The following FBXL17 variants were observed in gnomAD, a reference collection of about 807,000 sequenced individuals.
FBXL17 encodes F-box/LRR-repeat protein 17.
In FBXL17, 22 loss-of-function variants were observed where a neutral mutation model predicts 66.2. The ratio of observed to expected loss-of-function variants is 0.33; its 90% CI spans 0.24 to 0.47. The LOEUF (loss-of-function observed/expected upper bound fraction) is 0.47, where lower values mean the gene tolerates loss of function less well. FBXL17 is among the 20% of genes least tolerant of loss of function. FBXL17 has a pLI of 1.00. For synonymous variants in FBXL17, 474 were observed against 400.5 expected, an observed-to-expected ratio of 1.18 and a Z score of -2.19; for missense variants, 878 against 948.2, an observed-to-expected ratio of 0.93 and a Z score of 0.97.
chr5:108,142,835 A>G (rs1187580889), intron 6 of FBXL17, among the ~76,000 whole-genome samples: 1 of 152,130 alleles, frequency 6.6e-6, no homozygotes, highest in African/African-American at 2.4e-5. Context: ...CAGCAGGGGC[A>G]TAAGATTCTT....
At chr5:108,185,599 C>T (rs1444496099) in intron 6 of FBXL17, among the ~76,000 whole-genome samples, 5 of 152,010 alleles carry the variant, frequency 3.3e-5, no homozygotes, top group African/African-American at 9.7e-5. Flanking sequence ...TGGTGTATGC[C>T]TGTAGTCCCA....
At chr5:108,261,090 C>A (rs972519750) in intron 4 of FBXL17, among the ~76,000 whole-genome samples, 1 of 151,574 alleles carries the variant, frequency 6.6e-6, no homozygotes, top group African/African-American at 2.4e-5. Flanking sequence ...TAGAGATAAA[C>A]AGTAGGATAA....
In FBXL17 at chr5:108,078,540, T is replaced by G. The variant is rs770080936; in HGVS notation, c.1746-57539A>C. Among the ~76,000 whole-genome samples the G allele has an allele frequency of 5.8e-4, 88 of 152,370 alleles. 1 individual carries two copies. Among genetic ancestry groups the G allele is most frequent in the Non-Finnish European group, 3.2e-4 (22 of 68,036 alleles). Reference sequence around the variant, plus strand: ...TGCATCTGTAGAGAATCTACATTGATGCCAGCGGGCCTTCTCTAGCTGGGA... The same window carrying G: ...TGCATCTGTAGAGAATCTACATTGAGGCCAGCGGGCCTTCTCTAGCTGGGA... On this transcript the variant is annotated intron_variant, in intron 6 of 8. Coordinates refer to ENST00000542267, the MANE Select transcript of FBXL17 (RefSeq NM_001163315.3).
At position 107,869,731 on chromosome 5, in the gene FBXL17, G is replaced by T. The variant is rs185597975; in HGVS notation, c.1966-7871C>A. ...GTGAGAGCAGGGAACTAGGAATCCAGTGCCGCTTTTCAATCTCTCACCTCT... is the reference window on the plus strand; with the variant it reads ...GTGAGAGCAGGGAACTAGGAATCCATTGCCGCTTTTCAATCTCTCACCTCT... On this transcript the variant is annotated intron_variant, in intron 8 of 8. Coordinates refer to ENST00000542267, the MANE Select transcript of FBXL17 (RefSeq NM_001163315.3). Among the ~76,000 whole-genome samples the T allele has an allele frequency of 2.6e-3, 399 of 152,260 alleles. 2 individuals are homozygous for T. The highest frequency in any genetic ancestry group is 9.0e-3 in the African/African-American group (374 of 41,538).
chr5:108,037,066 TAAG>T (rs972099357), intron 6 of FBXL17, among the ~76,000 whole-genome samples: 22 of 152,156 alleles, frequency 1.4e-4, no homozygotes, highest in Middle Eastern at 3.4e-3. Flanking sequence ...AATAATAAGG[TAAG>T]AATATGTAAT....
At chr5:108,043,189 A>G (rs925948032) in intron 6 of FBXL17, among the ~76,000 whole-genome samples, 1 of 152,144 alleles carries the variant, frequency 6.6e-6, no homozygotes, top group Non-Finnish European at 1.5e-5. Flanking sequence ...TTTCCATCCT[A>G]TTAAAAGGGT....
intron 7 of FBXL17, among the ~76,000 whole-genome samples, chr5:107,965,233 C>A (rs1752076845): frequency 6.6e-6 from 1 of 152,086 alleles, no homozygotes. Context: ...GATTGAATTT[C>A]ACTTAAGGAA....
chr5:107,907,487 CA>C, intron 7 of FBXL17, among the ~76,000 whole-genome samples: 1 of 151,974 alleles, frequency 6.6e-6, no homozygotes, highest in Non-Finnish European at 1.5e-5. Flanking sequence ...AGCAAACAAA[CA>C]AAAAACATGG....
In FBXL17 at chr5:108,299,315, T is replaced by C. The variant is rs1002705939; in HGVS notation, c.1506+49084A>G. The C allele has an allele frequency of 1.1e-5, 11 of 984,440 alleles. No individual in the cohort carries two copies. In the Admixed American group the frequency reaches 6.8e-4, roughly 61 times the overall value. 61.0% of individuals were successfully genotyped at this position (984,440 alleles called of 1,614,324 possible). On this transcript the variant is annotated intron_variant, in intron 4 of 8. Transcript: ENST00000542267. ...TAAACCTGAGGTTCTCACCCACCCA[T>C]CTCCCTACCTCAAGATACCATTAAA...
At chr5:108,062,229 T>C (rs1308426487) in intron 6 of FBXL17, among the ~76,000 whole-genome samples, 1 of 152,014 alleles carries the variant, frequency 6.6e-6, no homozygotes, top group Non-Finnish European at 1.5e-5. Flanking sequence ...CATTCAGTAG[T>C]ACATGAATAA....
chr5:107,879,740 A>T, intron 8 of FBXL17: 1 of 985,436 alleles, frequency 1.0e-6, no homozygotes, highest in South Asian at 4.7e-5. Context: ...ATTTGTTCCT[A>T]ATCACCATTT....
At chr5:107,929,689 G>A (rs1245622018) in intron 7 of FBXL17, among the ~76,000 whole-genome samples, 1 of 151,974 alleles carries the variant, frequency 6.6e-6, no homozygotes, top group Non-Finnish European at 1.5e-5. Flanking sequence ...GTATCCAGAG[G>A]ACCCCATAAT....
chr5:107,980,403 T>G (rs991106303), intron 7 of FBXL17, among the ~76,000 whole-genome samples: 1 of 76,000 alleles, frequency 1.3e-5, no homozygotes, highest in Non-Finnish European at 3.0e-5. Flanking sequence ...TACTTAATAT[T>G]TTTTTTTTTC....
chr5:108,301,956 A>G (rs773751313), intron 4 of FBXL17: 25 of 858,828 alleles, frequency 2.9e-5, no homozygotes, highest in Admixed American at 6.2e-5. Flanking sequence ...CTATAACAGG[A>G]TAACTAATTT....
Position 108,021,784 on chromosome 5 carries a change from T to C in FBXL17, c.1746-783A>G, listed in dbSNP as rs375964605. 9.9e-5 allele frequency among the ~76,000 whole-genome samples: 15 copies of C among 152,026 alleles called. No homozygotes were observed. In the East Asian group the frequency reaches 2.9e-3, roughly 29 times the overall value. On this transcript the variant is annotated intron_variant, in intron 6 of 8. Coordinates refer to ENST00000542267, the MANE Select transcript of FBXL17 (RefSeq NM_001163315.3). Reference sequence around the variant, plus strand: ...CAGTTTCCTATAATATCAGAAAAATTTGTGTAGTCATACAGACACACAGGC... The same window carrying C: ...CAGTTTCCTATAATATCAGAAAAATCTGTGTAGTCATACAGACACACAGGC...
Position 108,260,004 on chromosome 5 carries a change from AAT to A in FBXL17, c.1507-35778_1507-35777del, listed in dbSNP as rs1232478754. On this transcript the variant is annotated intron_variant, in intron 4 of 8. Transcript: ENST00000542267. The stretch of plus-strand genomic sequence containing the variant: ...CTGGAGAAACTAGCTTAGTGAGAGA[AAT>A]AGTTATAAGAAACTTAAAAAAAAAA... Among the ~76,000 whole-genome samples the A allele has an allele frequency of 2.0e-5, 3 of 151,542 alleles. No individual in the cohort carries two copies. The South Asian group carries it at 6.3e-4, about 32-fold the overall frequency.
At chr5:108,232,304 C>T (rs1755380420) in intron 4 of FBXL17, among the ~76,000 whole-genome samples, 1 of 152,010 alleles carries the variant, frequency 6.6e-6, no homozygotes, top group African/African-American at 2.4e-5. Flanking sequence ...AGGATAGTTG[C>T]ATTAAGTTAG....
rs141852319 is a variant in FBXL17 at position 108,076,543 on chromosome 5, A to G, written c.1746-55542T>C. Among the ~76,000 whole-genome samples the G allele has an allele frequency of 1.3e-3, 176 of 134,838 alleles. 2 individuals are homozygous for G. The East Asian group carries it at 0.024, about 19-fold the overall frequency. The allele number at this position is 134,838 out of a possible 152,430, so 88.5% of individuals were successfully genotyped here. On this transcript the variant is annotated intron_variant, in intron 6 of 8. Coordinates refer to ENST00000542267, the MANE Select transcript of FBXL17 (RefSeq NM_001163315.3). ...TAAGAAAGGTTATTAAAAAGCATAA[A>G]ATGTGATTTTTTTAAAGAAAATTAA...
At chr5:108,128,506 G>A (rs76706343) in intron 6 of FBXL17, among the ~76,000 whole-genome samples, 2 of 152,198 alleles carry the variant, frequency 1.3e-5, no homozygotes, top group Non-Finnish European at 2.9e-5. Context: ...AAGTGAAAGG[G>A]TTAATATACC....
Sources: gnomAD v4.1 joint callset for allele counts (sites outside exome capture counted in the v4.1 genomes callset) on GRCh38, gnomAD v4.1.1 for gene constraint, MANE v1.5 for transcripts, NCBI Gene and HGNC (gene_info 2026-07-23, HGNC 2026-07-21) for gene names.